DPYSL3: variants seen among roughly 807,000 people sequenced by gnomAD.
DPYSL3 encodes dihydropyrimidinase like 3, also known as dihydropyrimidinase-related protein 3.
A neutral mutation model predicts 66.1 loss-of-function variants in DPYSL3; 16 were observed. The ratio of observed to expected loss-of-function variants is 0.24; its 90% CI spans 0.16 to 0.37. The LOEUF (loss-of-function observed/expected upper bound fraction) is 0.37, where lower values mean the gene tolerates loss of function less well. DPYSL3 is among the 10% of genes least tolerant of loss of function. DPYSL3 has a pLI of 1.00. For missense variants in DPYSL3, 738 were observed against 916.2 expected, an observed-to-expected ratio of 0.81 and a Z score of 2.51; for synonymous variants, 338 against 345.1, an observed-to-expected ratio of 0.98 and a Z score of 0.23.
intron 1 of DPYSL3, among the ~76,000 whole-genome samples, chr5:147,456,311 G>A (rs1445671068): frequency 6.6e-6 from 1 of 152,178 alleles, no homozygotes; most frequent in East Asian, 1.9e-4. Flanking sequence ...ACTCTGAATG[G>A]TTTTCCTTGG....
rs796456221 is a variant in DPYSL3 at position 147,422,390 on chromosome 5, T to C, written c.470+2485A>G. 4.6e-5 allele frequency among the ~76,000 whole-genome samples: 7 copies of C among 152,350 alleles called. No homozygotes were observed. The South Asian group carries it at 1.4e-3, about 32-fold the overall frequency. On this transcript the variant is annotated intron_variant, in intron 2 of 13. Coordinates refer to ENST00000343218, the MANE Select transcript of DPYSL3 (RefSeq NM_001197294.2). Reference sequence around the variant, plus strand: ...GGATTTGGAGAAATAGGAATGCTTTTACACTGTTGGTGGGAGTGTAAACTA... The same window carrying C: ...GGATTTGGAGAAATAGGAATGCTTTCACACTGTTGGTGGGAGTGTAAACTA...
At chr5:147,484,106 G>A (rs1753291518) in intron 1 of DPYSL3, among the ~76,000 whole-genome samples, 1 of 152,214 alleles carries the variant, frequency 6.6e-6, no homozygotes, top group African/African-American at 2.4e-5. Flanking sequence ...ATTAGAACCA[G>A]GTTCCCGGCA....
intron 1 of DPYSL3, among the ~76,000 whole-genome samples, chr5:147,441,016 T>C (rs1002147951): frequency 2.0e-5 from 3 of 152,230 alleles, no homozygotes; most frequent in Admixed American, 6.5e-5. Flanking sequence ...TAGAATTGAA[T>C]GAAATGCCAT....
chr5:147,456,880 C>T lies in DPYSL3; in HGVS notation c.382-31917G>A, dbSNP rs142877122. On this transcript the variant is annotated intron_variant, in intron 1 of 13. Transcript: ENST00000343218. ...TGCTGGGATTACAGGCATGAACCACCGCACCCAGCCAGTTCTATCTTTTAA... is the reference window on the plus strand; with the variant it reads ...TGCTGGGATTACAGGCATGAACCACTGCACCCAGCCAGTTCTATCTTTTAA... Among the ~76,000 whole-genome samples the T allele has an allele frequency of 2.6e-3, 394 of 152,038 alleles. 1 individual carries two copies. Among genetic ancestry groups the T allele is most frequent in the African/African-American group, 9.0e-3 (374 of 41,484 alleles).
At chr5:147,446,929 C>T (rs1188459481) in intron 1 of DPYSL3, among the ~76,000 whole-genome samples, 3 of 152,296 alleles carry the variant, frequency 2.0e-5, no homozygotes, top group South Asian at 4.1e-4. Context: ...TGGCTAATGG[C>T]GGGAGGAGGT....
At chr5:147,398,706 G>A (rs1758072264) in intron 11 of DPYSL3, among the ~76,000 whole-genome samples, 1 of 152,128 alleles carries the variant, frequency 6.6e-6, no homozygotes, top group South Asian at 2.1e-4. Flanking sequence ...CGGAAGTTAG[G>A]TATAGCCACA....
intron 1 of DPYSL3, among the ~76,000 whole-genome samples, chr5:147,430,626 A>G (rs59892472): frequency 0.057 from 8,608 of 152,210 alleles, 583 homozygotes; most frequent in African/African-American, 0.16. Flanking sequence ...AATAAATGCT[A>G]TAAGGAATGT....
chr5:147,424,874 C>CTTTAA lies in DPYSL3; in HGVS notation c.470_470+1insTTAAA (p.Lys157AsnfsTer2). The CTTTAA allele has an allele frequency of 6.2e-7, 1 of 1,603,914 alleles. No homozygotes were observed. The highest frequency in any genetic ancestry group is 8.5e-7 in the Non-Finnish European group (1 of 1,173,512). On this transcript the variant is annotated stop_gained and frameshift_variant and splice_region_variant. Transcript: ENST00000343218. LOFTEE classifies it high-confidence loss of function. The stretch of plus-strand genomic sequence containing the variant: ...TAAAGAGAAGAATTCCATATACATA[C>CTTTAA]TTTATTAAGCCATCTTCCATGTAAA...
chr5:147,443,804 T>G (rs1340469850), intron 1 of DPYSL3, among the ~76,000 whole-genome samples: 1 of 152,150 alleles, frequency 6.6e-6, no homozygotes, highest in African/African-American at 2.4e-5. Flanking sequence ...GTTTTGCTAA[T>G]TCAATGCAAA....
chr5:147,406,932 A>G (rs1380859485), intron 7 of DPYSL3, among the ~76,000 whole-genome samples: 2 of 152,176 alleles, frequency 1.3e-5, no homozygotes, highest in African/African-American at 4.8e-5. Flanking sequence ...GCCTCCCCCA[A>G]GCTGCACTTT....
intron 1 of DPYSL3, chr5:147,454,132 G>GCGC (rs1485502391): frequency 6.6e-6 from 1 of 152,174 alleles, no homozygotes; most frequent in Non-Finnish European, 1.5e-5. Flanking sequence ...CGAGTTGCGG[G>GCGC]CGCCGCCGCC....
At chr5:147,443,375 C>A (rs937514577) in intron 1 of DPYSL3, among the ~76,000 whole-genome samples, 1 of 152,108 alleles carries the variant, frequency 6.6e-6, no homozygotes, top group East Asian at 1.9e-4. Flanking sequence ...CAAGCTAACA[C>A]AGGAACAGAA....
chr5:147,486,122 C>T (rs573502246), intron 1 of DPYSL3, among the ~76,000 whole-genome samples: 124 of 152,120 alleles, frequency 8.2e-4, no homozygotes, highest in African/African-American at 2.4e-3. Context: ...AGTATAATTT[C>T]GTTTATATAA....
chr5:147,393,901 C>T lies in DPYSL3; in HGVS notation c.*134G>A, dbSNP rs1757889901. 1.1e-6 allele frequency: 1 copy of T among 876,250 alleles called. No individual in the cohort carries two copies. The highest frequency in any genetic ancestry group is 1.7e-5 in the African/African-American group (1 of 59,124). 54.3% of individuals were successfully genotyped at this position (876,250 alleles called of 1,614,324 possible). A position where few individuals can be genotyped will look rare whatever the true frequency, so the allele number is the denominator to read the frequency against. ...GCAAGCGAGCGTAACATTGGAGAAA[C>T]ATAAGGCTTGAGGCTTATTGATTCT... On this transcript the variant is annotated 3_prime_UTR_variant, in exon 14 of 14. Coordinates refer to ENST00000343218, the MANE Select transcript of DPYSL3 (RefSeq NM_001197294.2).
intron 1 of DPYSL3, among the ~76,000 whole-genome samples, chr5:147,480,281 G>C (rs1228848445): frequency 6.6e-6 from 1 of 152,176 alleles, no homozygotes; most frequent in Non-Finnish European, 1.5e-5. Flanking sequence ...CTTAGGAGCA[G>C]TCAGGTAGAG....
At chr5:147,453,456 C>G in intron 1 of DPYSL3, 1 of 1,454,538 alleles carries the variant, frequency 6.9e-7, no homozygotes, top group Non-Finnish European at 9.1e-7. Context: ...GGGACCAGGC[C>G]AGAGAAGCCG....
At chr5:147,489,098 A>G (rs935451412) in intron 1 of DPYSL3, among the ~76,000 whole-genome samples, 2 of 151,836 alleles carry the variant, frequency 1.3e-5, no homozygotes, top group African/African-American at 4.8e-5. Context: ...GTCCCTCTCC[A>G]CTTCTTCCTT....
intron 1 of DPYSL3, among the ~76,000 whole-genome samples, chr5:147,431,461 G>A (rs1279555602): frequency 2.0e-5 from 3 of 152,020 alleles, no homozygotes; most frequent in Admixed American, 2.0e-4. Context: ...TTTTCTGAGG[G>A]TGCAAACAAG....
At chr5:147,460,922 C>T (rs1032698806) in intron 1 of DPYSL3, among the ~76,000 whole-genome samples, 8 of 152,146 alleles carry the variant, frequency 5.3e-5, no homozygotes, top group Non-Finnish European at 1.0e-4. Context: ...ATAATTTAGA[C>T]GTCTAGTCCT....
Sources: allele counts gnomAD v4.1 joint callset (sites outside exome capture counted in the v4.1 genomes callset), GRCh38; gene constraint gnomAD v4.1.1; transcripts MANE v1.5; gene names NCBI Gene and HGNC (gene_info 2026-07-23, HGNC 2026-07-21).